Variants in ING5 observed in about 807,000 individuals in gnomAD.
ING5 encodes inhibitor of growth protein 5.
ING5 carries 17 observed loss-of-function variants against 37.4 expected under a neutral mutation model. The ratio of observed to expected loss-of-function variants is 0.45; its 90% confidence interval spans 0.31 to 0.68. ING5 has a LOEUF of 0.68. Ranked by LOEUF, ING5 falls within the 30% of genes least tolerant of loss-of-function variation. The probability of loss-of-function intolerance (pLI) is 0.05; values close to 1 mark genes in which losing one functional copy is unlikely to be tolerated. For synonymous variants in ING5, 123 were observed against 116.6 expected, an observed-to-expected ratio of 1.06 and a Z score of -0.36; for missense variants, 233 against 311.9, an observed-to-expected ratio of 0.75 and a Z score of 1.91.
chr2:241,698,496 AGTGTGTGTGTGTGTGT>A (rs199798593), upstream of ING5, among the ~76,000 whole-genome samples: 882 of 147,516 alleles, frequency 6.0e-3, 14 homozygotes, highest in African/African-American at 0.019. Flanking sequence ...ATAATAGAGG[AGTGTGTGTGTGTGTGT>A]GTGTGTGTGT....
At chr2:241,695,710 C>G (rs1216819201) in intron 2 of ING5, among the ~76,000 whole-genome samples, 1 of 152,026 alleles carries the variant, frequency 6.6e-6, no homozygotes, top group Non-Finnish European at 1.5e-5. Context: ...TTTTAAACCA[C>G]TAAGTTTTCA....
chr2:241,719,865 G>A (rs2070384150), intron 5 of ING5: 6 of 1,381,012 alleles, frequency 4.3e-6, no homozygotes, highest in Non-Finnish European at 9.3e-7. Flanking sequence ...CTGCCGTGCA[G>A]GTCCCAGTAG....
chr2:241,707,995 G>A (rs565675801), intron 2 of ING5, among the ~76,000 whole-genome samples: 2 of 152,026 alleles, frequency 1.3e-5, no homozygotes, highest in African/African-American at 4.8e-5. Context: ...CCTCCTGGGT[G>A]CAAGTGATTC....
exon 1 of ING5, chr2:241,687,113 G>A (rs557840238): frequency 7.7e-6 from 3 of 388,474 alleles, no homozygotes; most frequent in Admixed American, 4.5e-5. Flanking sequence ...GGAGACGCGG[G>A]GTCAGGGCGC....
intron 2 of ING5, among the ~76,000 whole-genome samples, chr2:241,708,170 A>G (rs1313255791): frequency 6.6e-6 from 1 of 151,244 alleles, no homozygotes; most frequent in Admixed American, 6.6e-5. Flanking sequence ...TGCTGGGATC[A>G]CAGGCGTGAG....
At chr2:241,707,978 A>G (rs961920888) in intron 2 of ING5, among the ~76,000 whole-genome samples, 20 of 152,044 alleles carry the variant, frequency 1.3e-4, no homozygotes, top group African/African-American at 4.6e-4. Context: ...GCTCACTGCA[A>G]CCTCTGCCTC....
rs556903968 is a variant in ING5, at chr2:241,688,726, C to T, written c.-774+664C>T. Among the ~76,000 whole-genome samples the T allele has an allele frequency of 2.6e-4, 39 of 152,258 alleles. No individual in the cohort carries two copies. In the South Asian group the frequency reaches 7.5e-3, roughly 29 times the overall value. On this transcript the variant is annotated intron_variant, in intron 1 of 7. Transcript: ENST00000636051. ...GCACCCTCCACCTCCCGGGTTCAAG[C>T]TATTCTCCTGCCTCAGCCTCCTGAG...
upstream of ING5, among the ~76,000 whole-genome samples, chr2:241,698,819 C>T (rs1337956895): frequency 6.6e-6 from 1 of 152,064 alleles, no homozygotes; most frequent in Non-Finnish European, 1.5e-5. Flanking sequence ...GCCTCTGCCT[C>T]CTGGGTTCAA....
At chr2:241,711,523 C>T (rs1426497191) in intron 4 of ING5, 35 bp downstream of exon 4, 1 of 1,401,042 alleles carries the variant, frequency 7.1e-7, no homozygotes, top group African/African-American at 1.4e-5. Flanking sequence ...TATTTTATTA[C>T]TGTTAACTAT....
rs1691566999 is a variant in ING5, at chr2:241,725,225, C to T, written c.*194C>T. 6.4e-6 allele frequency: 4 copies of T among 622,260 alleles called. No individual in the cohort carries two copies. Among genetic ancestry groups the T allele is most frequent in the East Asian group, 2.8e-5 (1 of 35,342 alleles). 38.5% of individuals were successfully genotyped at this position (622,260 alleles called of 1,614,324 possible). A position where few individuals can be genotyped will look rare whatever the true frequency, so the allele number is the denominator to read the frequency against. ...ACAGAAGGGCGACCTTGCAGGGACT[C>T]GCCGCCGCGACCTCAGTGTGGCTTT... On this transcript the variant is annotated 3_prime_UTR_variant, in exon 8 of 8. Coordinates refer to ENST00000313552, the MANE Select transcript of ING5 (RefSeq NM_032329.6).
rs1370869127 is a variant in ING5, at chr2:241,727,599, G to GCCA, written c.*2571_*2573dup. 6.6e-6 allele frequency: 1 copy of GCCA among 152,290 alleles called. No homozygotes were observed. Among genetic ancestry groups the GCCA allele is most frequent in the Non-Finnish European group, 1.5e-5 (1 of 68,072 alleles). The allele number at this position is 152,290 out of a possible 1,614,324, so 9.4% of individuals were successfully genotyped here. A position where few individuals can be genotyped will look rare whatever the true frequency, so the allele number is the denominator to read the frequency against. ...CAAAGTGCTGGGATGACAGGCATGA[G>GCCA]CCACCGCACCCGGCCAACACAGATG... On this transcript the variant is annotated 3_prime_UTR_variant, in exon 8 of 8. Transcript: ENST00000313552.
chr2:241,691,968 A>T (rs1326690772), intron 2 of ING5, among the ~76,000 whole-genome samples: 1 of 152,122 alleles, frequency 6.6e-6, no homozygotes, highest in African/African-American at 2.4e-5. Flanking sequence ...GGATCACTTG[A>T]GCCTAGGAGG....
At position 241,725,593 on chromosome 2, in the gene ING5, T is replaced by C. The variant is rs12048; in HGVS notation, c.*562T>C. On this transcript the variant is annotated 3_prime_UTR_variant, in exon 8 of 8. Coordinates refer to ENST00000313552, the MANE Select transcript of ING5 (RefSeq NM_032329.6). ...CCCGGGAGGGCTGGGGGCTCTTCCC[T>C]GGAGGAAGCGGCCTCCGCTTCGCTG... 22,195 of 152,424 alleles carry C rather than the reference T, an allele frequency of 0.15. 3,122 individuals carry two copies. Among genetic ancestry groups the C allele is most frequent in the African/African-American group, 0.34 (14,168 of 41,510 alleles). 9.4% of individuals were successfully genotyped at this position (152,424 alleles called of 1,614,324 possible). A position where few individuals can be genotyped will look rare whatever the true frequency, so the allele number is the denominator to read the frequency against.
chr2:241,704,150 C>T (rs4675891), intron 1 of ING5, among the ~76,000 whole-genome samples: 21,208 of 152,126 alleles, frequency 0.14, 1,877 homozygotes, highest in East Asian at 0.42. Flanking sequence ...TGACAGCTTC[C>T]GAAGTGTGCA....
intron 5 of ING5, among the ~76,000 whole-genome samples, chr2:241,713,607 G>A (rs921115207): frequency 2.6e-4 from 38 of 148,872 alleles, no homozygotes; most frequent in Non-Finnish European, 2.2e-4. Flanking sequence ...TCCTGACCTC[G>A]TGATCCACCT....
chr2:241,709,160 G>A (rs779184571), intron 2 of ING5, 56 bp from the exon 3 acceptor site: 69 of 1,537,608 alleles, frequency 4.5e-5, no homozygotes, highest in Non-Finnish European at 5.7e-5. Flanking sequence ...TGCCAGTCTG[G>A]TGAGCACATC....
intron 2 of ING5, among the ~76,000 whole-genome samples, chr2:241,707,945 T>C (rs2069974065): frequency 6.6e-6 from 1 of 152,158 alleles, no homozygotes; most frequent in Admixed American, 6.6e-5. Flanking sequence ...ACCATCAGGC[T>C]GGAGTGCAGT....
rs960927276 is a variant in ING5, at chr2:241,703,855, C to G, written c.38-798C>G. Among the ~76,000 whole-genome samples, 87 of 152,170 alleles carry G rather than the reference C, an allele frequency of 5.7e-4. 1 individual carries two copies. The highest frequency in any genetic ancestry group is 2.0e-3 in the African/African-American group (84 of 41,438). On this transcript the variant is annotated intron_variant, in intron 1 of 7. Coordinates refer to ENST00000313552, the MANE Select transcript of ING5 (RefSeq NM_032329.6). ...TCCTGACCTCAACTGATTTGCCTGT[C>G]TTGATCTCCCAAAGTGCTGGGATTA...
At chr2:241,722,243 G>A (rs368567087) in intron 5 of ING5, 16 of 985,314 alleles carry the variant, frequency 1.6e-5, no homozygotes, top group South Asian at 4.7e-5. Context: ...GGTGTCAGCC[G>A]TCTGCTGGCA....
Sources: allele counts gnomAD v4.1 joint callset (sites outside exome capture counted in the v4.1 genomes callset), GRCh38; gene constraint gnomAD v4.1.1; transcripts MANE v1.5; gene names NCBI Gene and HGNC (gene_info 2026-07-23, HGNC 2026-07-21).